Variants in STARD13 observed in about 807,000 individuals in gnomAD.
STARD13 encodes StAR related lipid transfer domain containing 13, also known as stAR-related lipid transfer protein 13.
In STARD13, 62 loss-of-function variants were observed where a neutral mutation model predicts 106.4. The ratio of observed to expected loss-of-function variants is 0.58; its 90% confidence interval spans 0.48 to 0.72. The LOEUF is 0.72. Among genes scored for constraint, STARD13 ranks in the 30% least tolerant of loss-of-function variants. The pLI, the probability that STARD13 is intolerant of heterozygous loss-of-function variation, is 0.00. For missense variants in STARD13, 1,387 were observed against 1,424.0 expected (o/e 0.97, Z 0.42); for synonymous variants, 565 against 553.0 (o/e 1.02, Z -0.31).
chr13:33,542,129 A>G, the STARD13 span, among the ~76,000 whole-genome samples: 3 of 152,188 alleles, frequency 2.0e-5, no homozygotes, highest in Admixed American at 6.5e-5. Context: ...ATAATTTGAA[A>G]ATGTTTTTGG....
At chr13:33,542,917 C>T in the STARD13 span, among the ~76,000 whole-genome samples, 1 of 152,182 alleles carries the variant, frequency 6.6e-6, no homozygotes, top group Non-Finnish European at 1.5e-5. Flanking sequence ...CCCTGCTTTC[C>T]TTTCTCCCGC....
At chr13:33,443,460 A>T in the STARD13 span, among the ~76,000 whole-genome samples, 4 of 1,130 alleles carry the variant, frequency 3.5e-3, 1 homozygote, top group East Asian at 0.1. Context: ...TCCCCCCCCC[A>T]AAAAAAAAAC....
chr13:33,165,445 T>A, intron 2 of STARD13, 27 bp from the exon 3 acceptor site: 1 of 1,563,560 alleles, frequency 6.4e-7, no homozygotes, highest in South Asian at 1.1e-5. Context: ...AAGAAGTTGA[T>A]GTACTTTGTT....
intron 1 of STARD13, among the ~76,000 whole-genome samples, chr13:33,196,870 C>G (rs1226717758): frequency 2.0e-5 from 3 of 152,160 alleles, no homozygotes; most frequent in Non-Finnish European, 4.4e-5. Context: ...GCCAACTGAA[C>G]TAGTGTAAAA....
At chr13:33,518,027 C>T in the STARD13 span, among the ~76,000 whole-genome samples, 67,893 of 151,804 alleles carry the variant, frequency 0.45, 16,394 homozygotes, top group African/African-American at 0.64. Context: ...ACAACAACAA[C>T]AACAACAACA....
chr13:33,663,860 C>T, the STARD13 span, among the ~76,000 whole-genome samples: 1 of 152,186 alleles, frequency 6.6e-6, no homozygotes, highest in Non-Finnish European at 1.5e-5. Context: ...CCAAATGCCT[C>T]TTAATGAGTT....
At position 33,151,722 on chromosome 13, in the gene STARD13, C is replaced by T. The variant is rs1347258009; in HGVS notation, c.324-9349G>A. 3.3e-5 allele frequency among the ~76,000 whole-genome samples: 5 copies of T among 152,104 alleles called. No individual in the cohort carries two copies. In the East Asian group the frequency reaches 5.8e-4, roughly 18 times the overall value. On this transcript the variant is annotated intron_variant, in intron 3 of 13. Coordinates refer to ENST00000336934, the MANE Select transcript of STARD13 (RefSeq NM_178006.4). ...AGCTACTGAAGGATTTAGACAGGAG[C>T]GTAACATAGATTTGCATTTTAGAAA...
rs779291362 is a variant in STARD13, at chr13:33,129,767, T to C, written c.910A>G (p.Ile304Val). ...EPESFKAMQC[I>V]QIPNGDLQNS... ...TGGAGATCTCCATTTGGTATTTGGA[T>C]GCACTGCATAGCCTTAAAGGACTCT... Residue 304 changes from isoleucine (I) to valine (V), a missense_variant, in exon 5 of 14, where the codon ATC becomes GTC. By Grantham distance (29) the Ile-to-Val change is conservative. Coordinates refer to ENST00000336934, the MANE Select transcript of STARD13 (RefSeq NM_178006.4). 1.9e-6 allele frequency: 3 copies of C among 1,614,066 alleles called. No individual in the cohort carries two copies. Among genetic ancestry groups the C allele is most frequent in the Non-Finnish European group, 2.5e-6 (3 of 1,180,022 alleles).
the STARD13 span, among the ~76,000 whole-genome samples, chr13:33,624,073 C>T: frequency 6.6e-6 from 1 of 152,182 alleles, no homozygotes; most frequent in Non-Finnish European, 1.5e-5. Flanking sequence ...GTAAAACTAA[C>T]ATACATACTA....
chr13:33,375,704 C>T, the STARD13 span, among the ~76,000 whole-genome samples: 2 of 152,102 alleles, frequency 1.3e-5, no homozygotes, highest in Non-Finnish European at 2.9e-5. Flanking sequence ...ATGGAGGTAA[C>T]CACTCCCATG....
intron 11 of STARD13, among the ~76,000 whole-genome samples, chr13:33,110,310 C>T (rs895491657): frequency 1.3e-5 from 2 of 152,168 alleles, no homozygotes; most frequent in African/African-American, 4.8e-5. Context: ...CACCAACACA[C>T]CTAGTGGTTA....
the STARD13 span, among the ~76,000 whole-genome samples, chr13:33,505,818 G>T: frequency 6.6e-6 from 1 of 152,122 alleles, no homozygotes; most frequent in Non-Finnish European, 1.5e-5. Flanking sequence ...ATTTATTTCA[G>T]TTCTTACATG....
the STARD13 span, among the ~76,000 whole-genome samples, chr13:33,513,437 A>T: frequency 6.6e-6 from 1 of 152,130 alleles, no homozygotes; most frequent in Non-Finnish European, 1.5e-5. Context: ...ATTGATTTCA[A>T]ATCTGGGAGG....
chr13:33,588,244 A>G, the STARD13 span, among the ~76,000 whole-genome samples: 1 of 152,160 alleles, frequency 6.6e-6, no homozygotes, highest in Non-Finnish European at 1.5e-5. Context: ...CTACCTTCTA[A>G]TAGATTCTCA....
the STARD13 span, among the ~76,000 whole-genome samples, chr13:33,675,944 G>T: frequency 1.3e-5 from 2 of 152,156 alleles, no homozygotes; most frequent in African/African-American, 4.8e-5. Context: ...AATATTAAAA[G>T]TTCCTGTACA....
At chr13:33,167,003 C>CAAAAAAAAAAAAAAAAAA (rs139921719) in intron 2 of STARD13, among the ~76,000 whole-genome samples, 2 of 126,772 alleles carry the variant, frequency 1.6e-5, no homozygotes, top group Non-Finnish European at 1.7e-5. Flanking sequence ...CAAAAAAAAA[C>CAAAAAAAAAAAAAAAAAA]AAAAAAAAAA....
the STARD13 span, among the ~76,000 whole-genome samples, chr13:33,523,183 G>A: frequency 6.6e-6 from 1 of 152,134 alleles, no homozygotes; most frequent in South Asian, 2.1e-4. Context: ...TTAGAAGATG[G>A]GAGGAGGAAG....
chr13:33,628,412 G>C, the STARD13 span, among the ~76,000 whole-genome samples: 2 of 152,152 alleles, frequency 1.3e-5, no homozygotes, highest in South Asian at 4.1e-4. Flanking sequence ...TTCAAGTTCA[G>C]GTATGTGTAC....
the STARD13 span, among the ~76,000 whole-genome samples, chr13:33,499,704 TTCCTC>T: frequency 6.8e-6 from 1 of 146,352 alleles, no homozygotes; most frequent in African/African-American, 2.5e-5. Context: ...CCTCTTCCTC[TTCCTC>T]TTCCTCTCCT....
Sources: allele counts gnomAD v4.1 joint callset (sites outside exome capture counted in the v4.1 genomes callset), GRCh38; gene constraint gnomAD v4.1.1; transcripts MANE v1.5; gene names NCBI Gene and HGNC (gene_info 2026-07-23, HGNC 2026-07-21).